ZNF638: variants seen among roughly 807,000 people sequenced by gnomAD.
ZNF638 encodes zinc finger protein 638, also known as CTCL tumor antigen se33-1.
Under a neutral mutation model 195.6 loss-of-function variants are expected in ZNF638, and 46 were observed. The ratio of observed to expected loss-of-function variants is 0.24; its 90% confidence interval spans 0.19 to 0.30. The LOEUF is 0.30. Among genes scored for constraint, ZNF638 ranks in the 10% least tolerant of loss-of-function variants. The probability of loss-of-function intolerance (pLI) is 1.00; values close to 1 mark genes in which losing one functional copy is unlikely to be tolerated. For missense variants in ZNF638, 2,440 were observed against 2,325.3 expected (o/e 1.05, Z -1.01); for synonymous variants, 845 against 772.0 (o/e 1.09, Z -1.57).
intron 6 of ZNF638, among the ~76,000 whole-genome samples, chr2:71,367,373 T>A (rs895225491): frequency 6.6e-6 from 1 of 151,338 alleles, no homozygotes; most frequent in African/African-American, 2.4e-5. Context: ...TCCTCCTGCC[T>A]CAGGCTCCCA....
At chr2:71,424,741 C>T (rs750717755) in intron 23 of ZNF638, 26 bp downstream of exon 23, 1 of 1,578,514 alleles carries the variant, frequency 6.3e-7, no homozygotes, top group Non-Finnish European at 8.7e-7. Context: ...CAGACCCTAA[C>T]CCTTCTTTTT....
chr2:71,405,754 G>C (rs181760130), intron 18 of ZNF638, 112 bp downstream of exon 18: 9 of 780,068 alleles, frequency 1.2e-5, no homozygotes, highest in Non-Finnish European at 1.8e-5. Context: ...AGATATTGAG[G>C]TGATGGAGAT....
chr2:71,404,121 T>G (rs1342967922), intron 17 of ZNF638, 123 bp downstream of exon 17: 52 of 956,364 alleles, frequency 5.4e-5, no homozygotes, highest in Non-Finnish European at 7.3e-5. Context: ...TGAGAAAGCT[T>G]CTTCCTGTCC....
At chr2:71,428,782 G>A in intron 25 of ZNF638, 131 bp downstream of exon 25, 1 of 634,410 alleles carries the variant, frequency 1.6e-6, no homozygotes, top group South Asian at 2.2e-5. Context: ...GTCAACTATA[G>A]TTATTAGATG....
chr2:71,429,622 T>C (rs1269103931), intron 25 of ZNF638, among the ~76,000 whole-genome samples: 3 of 152,174 alleles, frequency 2.0e-5, no homozygotes, highest in Non-Finnish European at 4.4e-5. Flanking sequence ...TCTACTTGCT[T>C]TTAGAGCAAA....
At chr2:71,400,364 C>T (rs1258351304) in intron 14 of ZNF638, 114 bp from the exon 15 acceptor site, 1 of 1,128,398 alleles carries the variant, frequency 8.9e-7, no homozygotes, top group African/African-American at 1.6e-5. Context: ...TGTACTAATT[C>T]TCTAGACTTG....
chr2:71,367,431 AT>A (rs3077439), intron 6 of ZNF638, among the ~76,000 whole-genome samples: 315 of 112,694 alleles, frequency 2.8e-3, no homozygotes, highest in African/African-American at 9.2e-3. Context: ...GGGTGTTTTA[AT>A]TTTTTTTTTT....
rs369146210 is a variant in ZNF638 at position 71,336,040 on chromosome 2, G to C, written c.-203+4165G>C. Among the ~76,000 whole-genome samples the C allele has an allele frequency of 3.9e-5, 6 of 152,144 alleles. No individual in the cohort carries two copies. The South Asian group carries it at 8.3e-4, about 21-fold the overall frequency. ...ATTTAGATAATCTTTTGCTTCATCA[G>C]CATCTGAATTCATGAATTTTGATGT... On this transcript the variant is annotated intron_variant, in intron 1 of 27. Transcript: ENST00000264447.
chr2:71,354,972 A>G (rs1486093945), intron 2 of ZNF638, among the ~76,000 whole-genome samples: 2 of 151,316 alleles, frequency 1.3e-5, no homozygotes, highest in African/African-American at 4.9e-5. Context: ...TTTTATTTTT[A>G]TTTTTATTTT....
At position 71,410,423 on chromosome 2, in the gene ZNF638, C is replaced by T. The variant is rs146127214; in HGVS notation, c.3261+2176C>T. On this transcript the variant is annotated intron_variant, in intron 20 of 27. Coordinates refer to ENST00000264447, the MANE Select transcript of ZNF638 (RefSeq NM_014497.5). The stretch of plus-strand genomic sequence containing the variant: ...ATGGGGTCTCATTGTGTTGCCCAGG[C>T]TGGTCTCAAACTTCTGGCCTGAAGT... Among the ~76,000 whole-genome samples, 1,011 of 151,198 alleles carry T rather than the reference C, an allele frequency of 6.7e-3. 9 individuals are homozygous for T. Among genetic ancestry groups the T allele is most frequent in the Non-Finnish European group, 8.8e-3 (593 of 67,742 alleles).
chr2:71,408,012 C>A, intron 19 of ZNF638, 110 bp from the exon 20 acceptor site: 1 of 972,316 alleles, frequency 1.0e-6, no homozygotes. Context: ...TAAGTATCGG[C>A]TTTCATTCCT....
intron 3 of ZNF638, among the ~76,000 whole-genome samples, chr2:71,362,100 T>C (rs1261196146): frequency 2.0e-5 from 3 of 152,234 alleles, no homozygotes. Flanking sequence ...TCAGATTTTC[T>C]AGAAGTTGAG....
At chr2:71,356,023 G>A (rs1408693790) in intron 3 of ZNF638, among the ~76,000 whole-genome samples, 2 of 152,102 alleles carry the variant, frequency 1.3e-5, no homozygotes, top group African/African-American at 4.8e-5. Flanking sequence ...TATGTCATTA[G>A]TTCATTCTTT....
chr2:71,432,491 T>A (rs1421146211), intron 26 of ZNF638, among the ~76,000 whole-genome samples: 2 of 152,142 alleles, frequency 1.3e-5, no homozygotes, highest in African/African-American at 4.8e-5. Flanking sequence ...TTGAGCCACT[T>A]CTCCCAGCCA....
intron 20 of ZNF638, among the ~76,000 whole-genome samples, chr2:71,417,437 C>T (rs969142675): frequency 3.3e-5 from 5 of 152,118 alleles, no homozygotes; most frequent in African/African-American, 1.2e-4. Flanking sequence ...CACCCGTCTT[C>T]TGCGTCGCTC....
intron 10 of ZNF638, among the ~76,000 whole-genome samples, chr2:71,386,198 C>G (rs2670708): frequency 1.3e-4 from 20 of 148,334 alleles, no homozygotes; most frequent in Non-Finnish European, 3.0e-5. Context: ...CAAGGCTGAT[C>G]TGGGAGGATT....
At position 71,364,022 on chromosome 2, in the gene ZNF638, C is replaced by A. The variant is rs1187535901; in HGVS notation, c.1487C>A (p.Ser496Tyr). Residue 496 changes from serine (S) to tyrosine (Y), a missense_variant, in exon 5 of 28, where the codon TCT becomes TAT. By Grantham distance (144) the Ser-to-Tyr change is moderately radical. Coordinates refer to ENST00000264447, the MANE Select transcript of ZNF638 (RefSeq NM_014497.5). ...RRSHSPSPRRSRRSSSSHRFR... is the reference protein window; with the variant it reads ...RRSHSPSPRRYRRSSSSHRFR... ...TCTCATTCCCCCAGTCCTAGGCGTT[C>A]TAGAAGATCAAGCTCAAGTCACAGA... 2 of 1,614,194 alleles carry A rather than the reference C, an allele frequency of 1.2e-6. No individual in the cohort carries two copies. Among genetic ancestry groups the A allele is most frequent in the Non-Finnish European group, 8.5e-7 (1 of 1,180,032 alleles).
intron 10 of ZNF638, among the ~76,000 whole-genome samples, chr2:71,389,840 T>G (rs1283644815): frequency 6.6e-6 from 1 of 152,190 alleles, no homozygotes; most frequent in Non-Finnish European, 1.5e-5. Context: ...TGCAGTTGGC[T>G]TATGAAAATG....
chr2:71,339,280 G>A (rs1558826264), intron 1 of ZNF638, among the ~76,000 whole-genome samples: 1 of 151,808 alleles, frequency 6.6e-6, no homozygotes. Flanking sequence ...AGCCTCCTGA[G>A]TGGCTGGGAT....
Sources: gnomAD v4.1 joint callset for allele counts (sites outside exome capture counted in the v4.1 genomes callset) on GRCh38, gnomAD v4.1.1 for gene constraint, MANE v1.5 for transcripts, NCBI Gene and HGNC (gene_info 2026-07-23, HGNC 2026-07-21) for gene names.